PPM1E: variants seen among roughly 807,000 people sequenced by gnomAD.
PPM1E encodes the protein protein phosphatase, Mg2+/Mn2+ dependent 1E, also known as protein phosphatase 1E.
A neutral mutation model predicts 65.9 loss-of-function variants in PPM1E; 20 were observed. The ratio of observed to expected loss-of-function variants is 0.30; its 90% CI spans 0.21 to 0.44. The LOEUF is 0.44. Ranked by LOEUF, PPM1E falls within the 20% of genes least tolerant of loss-of-function variation. The pLI, the probability that PPM1E is intolerant of heterozygous loss-of-function variation, is 1.00. For synonymous variants in PPM1E, 352 were observed against 374.9 expected (o/e 0.94, Z 0.70); for missense variants, 713 against 953.1 (o/e 0.75, Z 3.32).
chr17:58,821,699 A>G (rs1258134904), intron 1 of PPM1E, among the ~76,000 whole-genome samples: 1 of 152,232 alleles, frequency 6.6e-6, no homozygotes, highest in East Asian at 1.9e-4. Context: ...AGAGATGGAA[A>G]TAGAGTAATA....
intron 1 of PPM1E, among the ~76,000 whole-genome samples, chr17:58,879,559 G>A (rs1598625515): frequency 7.2e-6 from 1 of 139,224 alleles, no homozygotes; most frequent in South Asian, 2.3e-4. Context: ...GCCCAGGCTG[G>A]AGTGCGGTGA....
chr17:58,906,296 G>C (rs1378421667), intron 1 of PPM1E, among the ~76,000 whole-genome samples: 1 of 152,042 alleles, frequency 6.6e-6, no homozygotes, highest in Non-Finnish European at 1.5e-5. Flanking sequence ...CAAAGAACCA[G>C]CTTTTAGTTC....
At chr17:58,855,352 A>T (rs1208980127) in intron 1 of PPM1E, among the ~76,000 whole-genome samples, 1 of 152,168 alleles carries the variant, frequency 6.6e-6, no homozygotes, top group Non-Finnish European at 1.5e-5. Context: ...ACTAAGGGGT[A>T]AGGAGTGGGG....
At chr17:58,796,401 G>A (rs1356368264) in intron 1 of PPM1E, among the ~76,000 whole-genome samples, 1 of 152,030 alleles carries the variant, frequency 6.6e-6, no homozygotes, top group African/African-American at 2.4e-5. Context: ...TCACTCAGTA[G>A]CTGCGACTAC....
Position 58,980,557 on chromosome 17 carries a change from G to T in PPM1E, c.1794G>T (p.Lys598Asn). 1 of 1,614,176 alleles carries T rather than the reference G, an allele frequency of 6.2e-7. No homozygotes were observed. Among genetic ancestry groups the T allele is most frequent in the South Asian group, 1.1e-5 (1 of 91,082 alleles). ...AGATGTTTGGTCCTGGTGCACCAAA[G>T]AAAGCAAATCTTATTAATGAGTTAA... ...PVEMFGPGAP[K>N]KANLINELMM... Residue 598 changes from lysine (K) to asparagine (N), a missense_variant, in exon 7 of 7, where the codon AAG becomes AAT. Coordinates refer to ENST00000308249, the MANE Select transcript of PPM1E (RefSeq NM_014906.5). This position sits in a 1 kb window ranked among gnomAD's most constrained non-coding sequence, Gnocchi z 4.7.
intron 1 of PPM1E, among the ~76,000 whole-genome samples, chr17:58,931,692 T>C (rs1019246731): frequency 6.6e-6 from 1 of 152,218 alleles, no homozygotes; most frequent in Non-Finnish European, 1.5e-5. Context: ...GTAGGCTTTA[T>C]AGACTTTATC....
At chr17:58,898,078 C>T (rs562722096) in intron 1 of PPM1E, among the ~76,000 whole-genome samples, 112 of 151,830 alleles carry the variant, frequency 7.4e-4, no homozygotes, top group Non-Finnish European at 1.3e-3. Flanking sequence ...GGTGAAACTC[C>T]GTCTCTACTA....
rs1204736973 is a variant in PPM1E, at chr17:58,982,864, T to G, written c.*1833T>G. The stretch of plus-strand genomic sequence containing the variant: ...TGGTCCTCACTCATATCTGTCACCT[T>G]CTGAAGCCTAGATCTTGTTAACCCA... On this transcript the variant is annotated 3_prime_UTR_variant, in exon 7 of 7. Transcript: ENST00000308249. The G allele has an allele frequency of 1.9e-6, 3 of 1,546,644 alleles. No individual in the cohort carries two copies. Among genetic ancestry groups the G allele is most frequent in the Non-Finnish European group, 2.6e-6 (3 of 1,137,310 alleles).
chr17:58,953,503 C>A (rs2052269116), intron 1 of PPM1E, among the ~76,000 whole-genome samples: 1 of 152,202 alleles, frequency 6.6e-6, no homozygotes, highest in Non-Finnish European at 1.5e-5. Flanking sequence ...AAGGACTACA[C>A]CAAGCCATTC....
intron 1 of PPM1E, among the ~76,000 whole-genome samples, chr17:58,825,692 C>A (rs371299485): frequency 1.3e-5 from 2 of 151,746 alleles, no homozygotes; most frequent in African/African-American, 4.8e-5. Context: ...GCCTCAGCCT[C>A]CCAAGTAGCT....
At chr17:58,906,084 T>G (rs1212879934) in intron 1 of PPM1E, among the ~76,000 whole-genome samples, 1 of 152,208 alleles carries the variant, frequency 6.6e-6, no homozygotes, top group Non-Finnish European at 1.5e-5. Context: ...AGTTATCAAA[T>G]TTGTATCAAT....
At chr17:58,883,885 C>G (rs2051235504) in intron 1 of PPM1E, among the ~76,000 whole-genome samples, 1 of 152,064 alleles carries the variant, frequency 6.6e-6, no homozygotes, top group East Asian at 1.9e-4. Flanking sequence ...TGTAGGATGA[C>G]CTGGTTGGAA....
At chr17:58,780,079 G>A (rs1160718040) in intron 1 of PPM1E, among the ~76,000 whole-genome samples, 4 of 152,078 alleles carry the variant, frequency 2.6e-5, no homozygotes, top group African/African-American at 9.7e-5. Context: ...GCATACCTGC[G>A]TATATTTTAG....
chr17:58,912,697 C>T (rs1272444464), intron 1 of PPM1E, among the ~76,000 whole-genome samples: 1 of 152,080 alleles, frequency 6.6e-6, no homozygotes, highest in Non-Finnish European at 1.5e-5. Context: ...GCTGGTGGCT[C>T]CTAGTTAGCC....
At chr17:58,855,143 C>T (rs1172001289) in intron 1 of PPM1E, among the ~76,000 whole-genome samples, 3 of 152,156 alleles carry the variant, frequency 2.0e-5, no homozygotes, top group African/African-American at 4.8e-5. Context: ...AGAAAAATCC[C>T]CCTGTGCTTC....
chr17:58,957,229 C>A (rs1225020632), intron 2 of PPM1E, among the ~76,000 whole-genome samples: 1 of 152,044 alleles, frequency 6.6e-6, no homozygotes, highest in African/African-American at 2.4e-5. Context: ...CAGTTTTTTG[C>A]ATCCCTTTAT....
At chr17:58,890,562 T>G (rs1369908848) in intron 1 of PPM1E, among the ~76,000 whole-genome samples, 1 of 152,146 alleles carries the variant, frequency 6.6e-6, no homozygotes, top group Non-Finnish European at 1.5e-5. Flanking sequence ...ACAAATAAAT[T>G]TTAGTGACTA....
chr17:58,766,755 CT>C (rs2049884251), intron 1 of PPM1E, among the ~76,000 whole-genome samples: 1 of 152,064 alleles, frequency 6.6e-6, no homozygotes, highest in South Asian at 2.1e-4. Flanking sequence ...TCAGCTATCA[CT>C]GATTTTGCAA....
intron 1 of PPM1E, among the ~76,000 whole-genome samples, chr17:58,892,548 G>T (rs1258465454): frequency 6.6e-6 from 1 of 152,036 alleles, no homozygotes; most frequent in East Asian, 1.9e-4. Context: ...ACTCCAGCCT[G>T]GGTGACAGAG....
Sources: allele counts gnomAD v4.1 joint callset (sites outside exome capture counted in the v4.1 genomes callset), GRCh38; gene constraint gnomAD v4.1.1; non-coding constraint Gnocchi (gnomAD v3.1); transcripts MANE v1.5; gene names NCBI Gene and HGNC (gene_info 2026-07-23, HGNC 2026-07-21).